LAMA2: variants seen among roughly 807,000 people sequenced by gnomAD.
LAMA2 encodes laminin subunit alpha-2.
In LAMA2, 269 loss-of-function variants were observed where a neutral mutation model predicts 364.8. That is an observed-to-expected ratio of 0.74 (90% CI 0.67 to 0.82). The LOEUF is 0.82. LAMA2 is among the 40% of genes least tolerant of loss of function. The pLI, the probability that LAMA2 is intolerant of heterozygous loss-of-function variation, is 0.00. For synonymous variants in LAMA2, 1,379 were observed against 1,370.6 expected (o/e 1.01, Z -0.14); for missense variants, 3,807 against 3,873.2 (o/e 0.98, Z 0.45).
chr6:129,370,088 A>T (rs1314187610), intron 34 of LAMA2, 98 bp downstream of exon 34: 1 of 936,964 alleles, frequency 1.1e-6, no homozygotes, highest in East Asian at 2.5e-5. Context: ...CCTTCTTCCT[A>T]ATTCCCAATT....
intron 37 of LAMA2, among the ~76,000 whole-genome samples, chr6:129,399,517 A>G (rs1779844045): frequency 6.6e-6 from 1 of 152,214 alleles, no homozygotes; most frequent in African/African-American, 2.4e-5. Context: ...TTAAGGTTTC[A>G]TAGCTTGGGA....
At chr6:129,339,199 G>A (rs1026474134) in intron 29 of LAMA2, among the ~76,000 whole-genome samples, 1 of 152,180 alleles carries the variant, frequency 6.6e-6, no homozygotes, top group Non-Finnish European at 1.5e-5. Context: ...AAATATGACA[G>A]TGGCCAGATG....
chr6:129,511,192 A>AACAT (rs1377367111), intron 62 of LAMA2, among the ~76,000 whole-genome samples: 2 of 152,176 alleles, frequency 1.3e-5, no homozygotes, highest in African/African-American at 4.8e-5. Flanking sequence ...TTCACTGGAA[A>AACAT]ACATACAATT....
chr6:129,013,700 C>A (rs1384420822), intron 1 of LAMA2, among the ~76,000 whole-genome samples: 1 of 152,008 alleles, frequency 6.6e-6, no homozygotes. Context: ...AGAGATGCAG[C>A]TTTCTTCTCA....
Position 128,929,987 on chromosome 6 carries a change from A to G in LAMA2, c.112+46630A>G, listed in dbSNP as rs1181645514. ...CATCCTGCGGAGGCGATCTTTGCGCACGGCGGCGTTATCCCACGCTGCCAG... is the reference window on the plus strand; with the variant it reads ...CATCCTGCGGAGGCGATCTTTGCGCGCGGCGGCGTTATCCCACGCTGCCAG... On this transcript the variant is annotated intron_variant, in intron 1 of 64. Transcript: ENST00000421865. 5.1e-6 allele frequency: 3 copies of G among 583,626 alleles called. No homozygotes were observed. The Admixed American group carries it at 9.2e-5, about 18-fold the overall frequency. 36.2% of individuals were successfully genotyped at this position (583,626 alleles called of 1,614,324 possible).
intron 1 of LAMA2, among the ~76,000 whole-genome samples, chr6:129,034,068 C>T (rs1786432761): frequency 6.6e-6 from 1 of 151,964 alleles, no homozygotes; most frequent in Admixed American, 6.6e-5. Flanking sequence ...AGAGAAGGGA[C>T]CCCTAGATAG....
chr6:129,105,215 C>T lies in LAMA2; in HGVS notation c.639+6800C>T, dbSNP rs546827923. ...GGGCCTCCATTACTTTGAGGCCAAC[C>T]ACAGGGTAGAGCTCTTGTGGGAACA... On this transcript the variant is annotated intron_variant, in intron 4 of 64. Transcript: ENST00000421865. Among the ~76,000 whole-genome samples the T allele has an allele frequency of 2.0e-5, 3 of 152,256 alleles. No individual in the cohort carries two copies. In the South Asian group the frequency reaches 6.2e-4, roughly 32 times the overall value.
intron 1 of LAMA2, among the ~76,000 whole-genome samples, chr6:128,903,636 G>A (rs934329122): frequency 6.6e-6 from 1 of 152,168 alleles, no homozygotes; most frequent in Non-Finnish European, 1.5e-5. Flanking sequence ...TGTAATTGTA[G>A]CTTTCTCTTG....
At chr6:129,464,576 TTGTC>T in intron 50 of LAMA2, 124 bp downstream of exon 50, 5 of 870,654 alleles carry the variant, frequency 5.7e-6, no homozygotes, top group African/African-American at 1.6e-5. Flanking sequence ...CCTGGGATGA[TTGTC>T]TGGCAGCCAA....
chr6:129,249,599 G>C (rs1786026120), intron 12 of LAMA2, among the ~76,000 whole-genome samples: 1 of 152,084 alleles, frequency 6.6e-6, no homozygotes, highest in African/African-American at 2.4e-5. Flanking sequence ...AATAAAATTT[G>C]CTGCTAACCT....
At chr6:128,924,856 A>G (rs1359462707) in intron 1 of LAMA2, among the ~76,000 whole-genome samples, 1 of 152,240 alleles carries the variant, frequency 6.6e-6, no homozygotes, top group Non-Finnish European at 1.5e-5. Flanking sequence ...AATAACATCA[A>G]CAAGCCTTTT....
At chr6:129,067,432 C>A (rs185266682) in intron 3 of LAMA2, among the ~76,000 whole-genome samples, 1 of 152,268 alleles carries the variant, frequency 6.6e-6, no homozygotes, top group East Asian at 1.9e-4. Context: ...TGACAGCTAG[C>A]TTTGGTGTCT....
chr6:129,299,632 T>C (rs984687001), intron 21 of LAMA2, among the ~76,000 whole-genome samples: 3 of 152,176 alleles, frequency 2.0e-5, no homozygotes, highest in Non-Finnish European at 4.4e-5. Context: ...CTATTTTTCT[T>C]CTTAATGAAG....
intron 1 of LAMA2, among the ~76,000 whole-genome samples, chr6:128,958,241 G>A (rs987403124): frequency 6.6e-5 from 10 of 151,924 alleles, no homozygotes; most frequent in Admixed American, 2.6e-4. Context: ...TTGATGTGTG[G>A]CACACATTGT....
intron 1 of LAMA2, among the ~76,000 whole-genome samples, chr6:129,027,303 A>G (rs888129256): frequency 1.3e-5 from 2 of 152,064 alleles, no homozygotes; most frequent in African/African-American, 2.4e-5. Context: ...GTATGTTAGA[A>G]TCCATATGTA....
rs146151965 is a variant in LAMA2, at chr6:129,387,186, G to A, written c.5071+3953G>A. On this transcript the variant is annotated intron_variant, in intron 35 of 64. Coordinates refer to ENST00000421865, the MANE Select transcript of LAMA2 (RefSeq NM_000426.4). ...TATTTTCCTTTTTACTTTAAGTTCT[G>A]GGATGCATGCACAGAATGTTCAGGT... Among the ~76,000 whole-genome samples the A allele has an allele frequency of 6.1e-3, 928 of 151,776 alleles. 8 individuals are homozygous for A. Among genetic ancestry groups the A allele is most frequent in the African/African-American group, 0.022 (895 of 41,376 alleles).
At position 129,505,246 on chromosome 6, in the gene LAMA2, G is replaced by A; in HGVS notation, c.8594G>A (p.Gly2865Glu). The A allele has an allele frequency of 6.2e-7, 1 of 1,613,778 alleles. No homozygotes were observed. The highest frequency in any genetic ancestry group is 8.5e-7 in the Non-Finnish European group (1 of 1,179,764). The change falls in exon 61 of 65, where the codon GGG becomes GAG. Residue 2865 changes from glycine (G) to glutamate (E), a missense_variant. Gly to Glu is a moderately conservative substitution (Grantham distance 98, BLOSUM62 -2). This residue lies in a region of LAMA2 where 3,333 missense variants were observed against 3,345.7 expected (regional missense o/e 1.00). Coordinates refer to ENST00000421865, the MANE Select transcript of LAMA2 (RefSeq NM_000426.4). ...CAAGAAGGAATTCTTTATGTAGATG[G>A]GGCTTCCAACAGAACCATCAGTCCC... ...SKQEGILYVD[G>E]ASNRTISPKK... is the part of the protein sequence containing the mutation.
intron 18 of LAMA2, among the ~76,000 whole-genome samples, chr6:129,285,240 T>C (rs1322508328): frequency 2.6e-5 from 4 of 152,180 alleles, no homozygotes; most frequent in African/African-American, 7.2e-5. Flanking sequence ...AATACTGTTC[T>C]CTGTATAGAA....
chr6:129,328,908 ATGT>A (rs1775461023), intron 29 of LAMA2, among the ~76,000 whole-genome samples: 1 of 152,138 alleles, frequency 6.6e-6, no homozygotes, highest in Non-Finnish European at 1.5e-5. Context: ...AGGTTGTATT[ATGT>A]TGTTAGATAT....
Sources: allele counts gnomAD v4.1 joint callset (sites outside exome capture counted in the v4.1 genomes callset), GRCh38; gene constraint gnomAD v4.1.1; regional missense constraint gnomAD v4.1.1; transcripts MANE v1.5; gene names NCBI Gene and HGNC (gene_info 2026-07-23, HGNC 2026-07-21).